The following PIKFYVE variants were observed in gnomAD, a reference collection of about 807,000 sequenced individuals.
PIKFYVE encodes the protein 1-phosphatidylinositol 3-phosphate 5-kinase.
PIKFYVE carries 122 observed loss-of-function variants against 257.9 expected under a neutral mutation model. That is an observed-to-expected ratio of 0.47 (90% CI 0.41 to 0.55). The LOEUF (loss-of-function observed/expected upper bound fraction) is 0.55, where lower values mean the gene tolerates loss of function less well. PIKFYVE is among the 20% of genes least tolerant of loss of function. The pLI, the probability that PIKFYVE is intolerant of heterozygous loss-of-function variation, is 0.00. For synonymous variants in PIKFYVE, 892 were observed against 868.9 expected, an observed-to-expected ratio of 1.03 and a Z score of -0.47; for missense variants, 2,160 against 2,536.6, an observed-to-expected ratio of 0.85 and a Z score of 3.19.
intron 1 of PIKFYVE, among the ~76,000 whole-genome samples, chr2:208,268,052 T>C (rs370532203): frequency 2.6e-5 from 4 of 152,340 alleles, no homozygotes; most frequent in East Asian, 1.9e-4. Flanking sequence ...GTAGGTAGGT[T>C]AATAGGACTG....
chr2:208,332,940 A>C (rs1697716720), intron 23 of PIKFYVE, among the ~76,000 whole-genome samples: 1 of 152,146 alleles, frequency 6.6e-6, no homozygotes, highest in Non-Finnish European at 1.5e-5. Flanking sequence ...TTTGTATTAG[A>C]AAAGAAAATG....
At position 208,355,575 on chromosome 2, in the gene PIKFYVE, A is replaced by G. The variant is rs373077345; in HGVS notation, c.*270A>G. On this transcript the variant is annotated 3_prime_UTR_variant, in exon 42 of 42. Coordinates refer to ENST00000264380, the MANE Select transcript of PIKFYVE (RefSeq NM_015040.4). ...ATACAGACATGTTTCAAAGGGCTAA[A>G]GTTGGAGATGAGTAGATAGGGTGAA... The G allele has an allele frequency of 1.4e-3, 511 of 378,106 alleles. 7 individuals are homozygous for G. In the South Asian group the frequency reaches 0.014, roughly 11 times the overall value. 23.4% of individuals were successfully genotyped at this position (378,106 alleles called of 1,614,324 possible).
chr2:208,312,667 A>T (rs1002472263), intron 13 of PIKFYVE, among the ~76,000 whole-genome samples: 1 of 152,260 alleles, frequency 6.6e-6, no homozygotes, highest in Non-Finnish European at 1.5e-5. Context: ...CCACAGGCAG[A>T]TCTCCAGTTA....
At chr2:208,301,204 TTTTATGTAA>T (rs1319006322) in intron 9 of PIKFYVE, 110 bp downstream of exon 9, 9 of 1,338,406 alleles carry the variant, frequency 6.7e-6, no homozygotes. Context: ...GTGCTCTTTG[TTTTATGTAA>T]TTGATGGTTT....
At chr2:208,314,932 C>T (rs964394027) in intron 14 of PIKFYVE, among the ~76,000 whole-genome samples, 4 of 151,826 alleles carry the variant, frequency 2.6e-5, no homozygotes, top group Non-Finnish European at 4.4e-5. Context: ...CCAAACTGTG[C>T]TTGTCTGTCC....
intron 12 of PIKFYVE, among the ~76,000 whole-genome samples, chr2:208,310,501 A>G (rs1190971915): frequency 6.6e-6 from 1 of 152,204 alleles, no homozygotes; most frequent in Non-Finnish European, 1.5e-5. Flanking sequence ...ATATTTTATT[A>G]TGTATTACAA....
intron 1 of PIKFYVE, 70 bp downstream of exon 1, chr2:208,266,485 C>CAGGGCCAGAGCTGAGGTGAA (rs1176832480): frequency 6.6e-6 from 1 of 152,540 alleles, no homozygotes; most frequent in African/African-American, 2.4e-5. Flanking sequence ...TGGGGAGCTC[C>CAGGGCCAGAGCTGAGGTGAA]AGGGCCAGAG....
intron 5 of PIKFYVE, 94 bp downstream of exon 5, chr2:208,277,802 G>A (rs1690301128): frequency 2.2e-6 from 3 of 1,386,646 alleles, no homozygotes; most frequent in East Asian, 4.6e-5. Context: ...TTTCATTTTG[G>A]GTTTTATGTG....
rs375751116 is a variant in PIKFYVE at position 208,346,145 on chromosome 2, C to A, written c.5207C>A (p.Pro1736Gln). The change falls in exon 34 of 42, where the codon CCA becomes CAA. Residue 1736 changes from proline (P) to glutamine (Q), a missense_variant and splice_region_variant. This residue lies in a region of PIKFYVE where 699 missense variants were observed against 855.8 expected (regional missense o/e 0.82). Coordinates refer to ENST00000264380, the MANE Select transcript of PIKFYVE (RefSeq NM_015040.4). ...TNRTTETEPQ[P>Q]TKKASGMLSF... is the part of the protein sequence containing the mutation. The stretch of plus-strand genomic sequence containing the variant: ...CGTACAACAGAAACAGAACCACAAC[C>A]AAGTAAGATTACACATGGAGGAATA... 1.2e-6 allele frequency: 2 copies of A among 1,600,666 alleles called. No individual in the cohort carries two copies. Among genetic ancestry groups the A allele is most frequent in the Non-Finnish European group, 1.7e-6 (2 of 1,168,260 alleles).
chr2:208,350,523 T>TA (rs990683955), intron 36 of PIKFYVE, among the ~76,000 whole-genome samples: 4 of 152,144 alleles, frequency 2.6e-5, no homozygotes, highest in Non-Finnish European at 4.4e-5. Flanking sequence ...GTCTTTTTTT[T>TA]ATGTGATTTT....
chr2:208,295,110 C>G (rs1003374308), intron 7 of PIKFYVE, among the ~76,000 whole-genome samples: 22 of 152,220 alleles, frequency 1.4e-4, no homozygotes, highest in African/African-American at 5.1e-4. Context: ...TTGTGATCCT[C>G]TGTATCTGCT....
intron 27 of PIKFYVE, among the ~76,000 whole-genome samples, chr2:208,336,632 T>G (rs889352022): frequency 2.6e-5 from 4 of 152,058 alleles, no homozygotes; most frequent in Admixed American, 1.3e-4. Context: ...CTATTTTTTT[T>G]TTACAACTAT....
At chr2:208,291,645 C>CT (rs1217689539) in intron 7 of PIKFYVE, among the ~76,000 whole-genome samples, 2 of 152,162 alleles carry the variant, frequency 1.3e-5, no homozygotes, top group East Asian at 3.9e-4. Flanking sequence ...GATTCAATTT[C>CT]TTTAAGAGAA....
intron 39 of PIKFYVE, 115 bp downstream of exon 39, chr2:208,352,897 G>A: frequency 7.5e-7 from 1 of 1,328,318 alleles, no homozygotes; most frequent in Admixed American, 1.8e-5. Context: ...ATTTAACTTT[G>A]GTTACTAGGC....
chr2:208,326,240 C>T lies in PIKFYVE; in HGVS notation c.3429C>T (p.Gly1143=), dbSNP rs750656442. ...GCACTAGAATTGCTGAGCATCTGGG[C>T]GATAGCCAGAGCTTGGGTAGAATGC... ...LVSTRIAEHL[G]DSQSLGRMLA... The change falls in exon 20 of 42, where the codon GGC becomes GGT. Residue 1143 remains glycine, a synonymous_variant. Coordinates refer to ENST00000264380, the MANE Select transcript of PIKFYVE (RefSeq NM_015040.4). 1.4e-5 allele frequency: 22 copies of T among 1,590,730 alleles called. No individual in the cohort carries two copies. The highest frequency in any genetic ancestry group is 1.2e-4 in the Admixed American group (7 of 57,266).
rs57665157 is a variant in PIKFYVE at position 208,318,950 on chromosome 2, CAA to C, written c.2082+1029_2082+1030del. ...TGGGCAACAGAGCGAGACTCCGTCT[CAA>C]AAAAAAAAAAAAAAAAAAAGTAGGC... On this transcript the variant is annotated intron_variant, in intron 16 of 41. Transcript: ENST00000264380. Among the ~76,000 whole-genome samples, 76 of 108,356 alleles carry C rather than the reference CAA, an allele frequency of 7.0e-4. 1 individual carries two copies. The highest frequency in any genetic ancestry group is 5.7e-3 in the East Asian group (21 of 3,704). 71.1% of individuals were successfully genotyped at this position (108,356 alleles called of 152,430 possible).
At chr2:208,348,153 G>C in intron 35 of PIKFYVE, 130 bp downstream of exon 35, 1 of 1,196,308 alleles carries the variant, frequency 8.4e-7, no homozygotes, top group Non-Finnish European at 1.2e-6. Flanking sequence ...GTTCTCACTT[G>C]TCAGTGTGGT....
chr2:208,302,414 A>T, intron 10 of PIKFYVE, 61 bp downstream of exon 10: 1 of 1,376,740 alleles, frequency 7.3e-7, no homozygotes, highest in Non-Finnish European at 1.0e-6. Flanking sequence ...GTCTTTCTTC[A>T]TCAGTGGGAA....
In PIKFYVE at chr2:208,311,032, G is replaced by A. The variant is rs750737068; in HGVS notation, c.1637-1204G>A. ...ATGATGTGTGTAACTTTGAATGATC[G>A]GGGGGAAGAAACATACACATATATG... On this transcript the variant is annotated intron_variant, in intron 12 of 41. Coordinates refer to ENST00000264380, the MANE Select transcript of PIKFYVE (RefSeq NM_015040.4). 7.2e-5 allele frequency among the ~76,000 whole-genome samples: 11 copies of A among 152,052 alleles called. 1 individual carries two copies. The highest frequency in any genetic ancestry group is 4.2e-4 in the South Asian group (2 of 4,802).
Sources: gnomAD v4.1 joint callset for allele counts (sites outside exome capture counted in the v4.1 genomes callset) on GRCh38, gnomAD v4.1.1 for gene constraint, gnomAD v4.1.1 regional missense constraint, MANE v1.5 for transcripts, NCBI Gene and HGNC (gene_info 2026-07-23, HGNC 2026-07-21) for gene names.